Variants in GLIPR1L2 observed in about 807,000 individuals in gnomAD.
The protein encoded by GLIPR1L2 is GLIPR1-like protein 2.
GLIPR1L2 carries 21 observed loss-of-function variants against 28.4 expected under a neutral mutation model. That is an observed-to-expected ratio of 0.74 (90% confidence interval 0.52 to 1.06). The LOEUF (loss-of-function observed/expected upper bound fraction) is 1.06, where lower values mean the gene tolerates loss of function less well. GLIPR1L2 is among the 50% of genes least tolerant of loss of function. The pLI is 0.00. For missense variants in GLIPR1L2, 476 were observed against 416.9 expected (o/e 1.14, Z -1.23); for synonymous variants, 145 against 139.3 (o/e 1.04, Z -0.29).
intron 3 of GLIPR1L2, among the ~76,000 whole-genome samples, chr12:75,417,653 T>C (rs1447882126): frequency 2.6e-5 from 4 of 151,988 alleles, no homozygotes; most frequent in African/African-American, 9.7e-5. Flanking sequence ...AATCTACAAA[T>C]TGGTGTTTCT....
intron 4 of GLIPR1L2, 131 bp downstream of exon 4, chr12:75,423,120 A>G: frequency 6.4e-7 from 1 of 1,560,796 alleles, no homozygotes; most frequent in Admixed American, 2.1e-5. Flanking sequence ...TTATGTTATC[A>G]AAGGATGGTT....
chr12:75,427,954 CT>C (rs759041680), intron 4 of GLIPR1L2, among the ~76,000 whole-genome samples: 14 of 152,152 alleles, frequency 9.2e-5, no homozygotes, highest in Non-Finnish European at 1.9e-4. Flanking sequence ...TCAGGTAGTT[CT>C]TTTTAGCAGT....
intron 1 of GLIPR1L2, among the ~76,000 whole-genome samples, chr12:75,406,777 G>A (rs896021078): frequency 6.5e-5 from 9 of 138,212 alleles, no homozygotes; most frequent in African/African-American, 8.1e-5. Flanking sequence ...AAAAAAAAGA[G>A]AGAGAGAGAG....
At chr12:75,417,516 A>T (rs2045935064) in intron 3 of GLIPR1L2, among the ~76,000 whole-genome samples, 1 of 152,206 alleles carries the variant, frequency 6.6e-6, no homozygotes, top group African/African-American at 2.4e-5. Context: ...AGAATAAAAC[A>T]GACTTGGCCA....
intron 1 of GLIPR1L2, among the ~76,000 whole-genome samples, chr12:75,400,981 G>A (rs2045734946): frequency 1.3e-5 from 2 of 151,830 alleles, no homozygotes; most frequent in Admixed American, 6.6e-5. Context: ...CATGGTAATT[G>A]AAGTTAAAGA....
At chr12:75,421,360 A>G (rs2045974427) in intron 3 of GLIPR1L2, among the ~76,000 whole-genome samples, 1 of 152,260 alleles carries the variant, frequency 6.6e-6, no homozygotes. Flanking sequence ...CTTACAATTC[A>G]AGGGTATCAG....
At chr12:75,410,315 G>A in intron 1 of GLIPR1L2, 119 bp from the exon 2 acceptor site, 1 of 928,540 alleles carries the variant, frequency 1.1e-6, no homozygotes. Flanking sequence ...TCTCAACCAA[G>A]ATGCACAAGT....
In GLIPR1L2 at chr12:75,430,875, A is replaced by C. The variant is rs1328982943; in HGVS notation, c.749A>C (p.Asp250Ala). Residue 250 changes from aspartate to alanine, a missense_variant, in exon 6 of 6, where the codon GAT (aspartate) becomes GCT (alanine). Coordinates refer to ENST00000550916, the MANE Select transcript of GLIPR1L2 (RefSeq NM_001270396.2). ...GAAATGCCCCGGCCAGTTGTGTGTGATCCACTGTGCACATTCATTTTATTA... is the reference window on the plus strand; with the variant it reads ...GAAATGCCCCGGCCAGTTGTGTGTGCTCCACTGTGCACATTCATTTTATTA... ...KWEMPRPVVC[D>A]PLCTFILLLR... 13 of 1,535,802 alleles carry C rather than the reference A, an allele frequency of 8.5e-6. No individual in the cohort carries two copies. Among genetic ancestry groups the C allele is most frequent in the Non-Finnish European group, 1.1e-5 (13 of 1,146,646 alleles).
chr12:75,408,868 GAGAT>G (rs2045831819), intron 1 of GLIPR1L2, among the ~76,000 whole-genome samples: 1 of 151,906 alleles, frequency 6.6e-6, no homozygotes, highest in Non-Finnish European at 1.5e-5. Flanking sequence ...TGTAGATACA[GAGAT>G]AGAGAGATGT....
At chr12:75,413,498 T>C in intron 2 of GLIPR1L2, 100 bp from the exon 3 acceptor site, 2 of 673,096 alleles carry the variant, frequency 3.0e-6, no homozygotes, top group Non-Finnish European at 5.1e-6. Context: ...TTGAATTGCT[T>C]GGTGAAAAGT....
rs538560804 is a variant in GLIPR1L2, at chr12:75,431,846, A to C, written c.*685A>C. On this transcript the variant is annotated 3_prime_UTR_variant, in exon 6 of 6. Coordinates refer to ENST00000550916, the MANE Select transcript of GLIPR1L2 (RefSeq NM_001270396.2). ...TGGTAGAGGAATCTGGGTGCTTCCA[A>C]ATTTATATGATAAAATAAATAAATT... The C allele has an allele frequency of 6.6e-6, 1 of 152,168 alleles. No homozygotes were observed. The highest frequency in any genetic ancestry group is 2.1e-4 in the South Asian group (1 of 4,824). 9.4% of individuals were successfully genotyped at this position (152,168 alleles called of 1,614,324 possible).
intron 1 of GLIPR1L2, among the ~76,000 whole-genome samples, chr12:75,409,565 G>GTGTGTA (rs1555232633): frequency 7.0e-6 from 1 of 143,428 alleles, no homozygotes; most frequent in Non-Finnish European, 1.5e-5. Context: ...GGGTGTGTGT[G>GTGTGTA]TATATATATA....
At position 75,410,695 on chromosome 12, in the gene GLIPR1L2, T is replaced by C. The variant is rs1460715791; in HGVS notation, c.480+16T>C. The C allele has an allele frequency of 6.4e-7, 1 of 1,555,126 alleles. No homozygotes were observed. The highest frequency in any genetic ancestry group is 8.7e-7 in the Non-Finnish European group (1 of 1,144,442). The stretch of plus-strand genomic sequence containing the variant: ...TTATATTCAGGTATGTAATTTTTAT[T>C]TTGTTATTAATTCAAACACTTCTTA... On this transcript the variant is annotated intron_variant, in intron 2 of 5. Transcript: ENST00000550916.
intron 4 of GLIPR1L2, chr12:75,423,834 T>A (rs2046005512): frequency 6.6e-6 from 1 of 152,232 alleles, no homozygotes; most frequent in Non-Finnish European, 1.5e-5. Context: ...TTTCTGTTCT[T>A]GTGATAGTTT....
chr12:75,392,440 C>T (rs1389204397), intron 1 of GLIPR1L2, among the ~76,000 whole-genome samples: 1 of 152,134 alleles, frequency 6.6e-6, no homozygotes, highest in African/African-American at 2.4e-5. Flanking sequence ...GTTCTTTCTT[C>T]GTCATTTCCT....
At chr12:75,422,156 T>TA (rs1443541286) in intron 3 of GLIPR1L2, among the ~76,000 whole-genome samples, 2 of 149,756 alleles carry the variant, frequency 1.3e-5, no homozygotes, top group South Asian at 2.1e-4. Flanking sequence ...CCCGGCTAAT[T>TA]AAAAAAATAT....
intron 1 of GLIPR1L2, among the ~76,000 whole-genome samples, chr12:75,405,637 C>T (rs955385047): frequency 9.0e-6 from 1 of 111,046 alleles, no homozygotes; most frequent in Non-Finnish European, 2.1e-5. Context: ...GCAGCAGACG[C>T]AGTTTGTCAG....
chr12:75,423,618 G>T (rs573229218), intron 4 of GLIPR1L2: 59 of 335,858 alleles, frequency 1.8e-4, no homozygotes, highest in Non-Finnish European at 2.3e-4. Context: ...TGTGCAGAAC[G>T]TGCAGGTTTG....
rs878897438 is a variant in GLIPR1L2 at position 75,432,598 on chromosome 12, T to G, written c.*1437T>G. 3 of 152,056 alleles carry G rather than the reference T, an allele frequency of 2.0e-5. No homozygotes were observed. In the South Asian group the frequency reaches 6.2e-4, roughly 32 times the overall value. The allele number at this position is 152,056 out of a possible 1,614,324, so 9.4% of individuals were successfully genotyped here. On this transcript the variant is annotated 3_prime_UTR_variant, in exon 6 of 6. Transcript: ENST00000550916. Reference sequence around the variant, plus strand: ...AATGCTATGTGTATTTACTCTGTTGTTCTTTAGTTGTATCAATATTCTGTT... The same window carrying G: ...AATGCTATGTGTATTTACTCTGTTGGTCTTTAGTTGTATCAATATTCTGTT...
Sources: gnomAD v4.1 joint callset for allele counts (sites outside exome capture counted in the v4.1 genomes callset) on GRCh38, gnomAD v4.1.1 for gene constraint, MANE v1.5 for transcripts, NCBI Gene and HGNC (gene_info 2026-07-23, HGNC 2026-07-21) for gene names.